Variants in SULF1 observed in about 807,000 individuals in gnomAD.
SULF1 encodes the protein extracellular sulfatase Sulf-1.
In SULF1, 46 loss-of-function variants were observed where a neutral mutation model predicts 110.5. The observed-to-expected ratio is 0.42, with a 90% CI of 0.33 to 0.53. SULF1 has a LOEUF of 0.53. Among genes scored for constraint, SULF1 ranks in the 20% least tolerant of loss-of-function variants. The pLI, the probability that SULF1 is intolerant of heterozygous loss-of-function variation, is 0.12. For missense variants in SULF1, 941 were observed against 1,094.2 expected, an observed-to-expected ratio of 0.86 and a Z score of 1.98; for synonymous variants, 371 against 387.1, an observed-to-expected ratio of 0.96 and a Z score of 0.49.
At chr8:69,496,761 T>G (rs1249063731) in intron 2 of SULF1, among the ~76,000 whole-genome samples, 1 of 152,248 alleles carries the variant, frequency 6.6e-6, no homozygotes, top group African/African-American at 2.4e-5. Flanking sequence ...GCCGACATAA[T>G]GATTTACTCC....
At chr8:69,620,647 G>T (rs1809524614) in intron 13 of SULF1, among the ~76,000 whole-genome samples, 1 of 152,188 alleles carries the variant, frequency 6.6e-6, no homozygotes, top group Non-Finnish European at 1.5e-5. Flanking sequence ...AGCCAAGTTT[G>T]TTTTTCCAGA....
At chr8:69,556,167 T>A (rs767806408) in intron 3 of SULF1, among the ~76,000 whole-genome samples, 1 of 152,144 alleles carries the variant, frequency 6.6e-6, no homozygotes, top group Non-Finnish European at 1.5e-5. Context: ...GTGTGGTATG[T>A]GCATGTAGAG....
chr8:69,549,043 G>C (rs1420435513), intron 3 of SULF1, among the ~76,000 whole-genome samples: 1 of 152,112 alleles, frequency 6.6e-6, no homozygotes, highest in Non-Finnish European at 1.5e-5. Flanking sequence ...GCTTGCTTTA[G>C]CCAATGGCAG....
chr8:69,586,509 G>C lies in SULF1; in HGVS notation c.564+1G>C. The C allele has an allele frequency of 6.2e-7, 1 of 1,608,116 alleles. No homozygotes were observed. The highest frequency in any genetic ancestry group is 8.5e-7 in the Non-Finnish European group (1 of 1,179,084). On this transcript the variant is annotated splice_donor_variant, in intron 7 of 22. Transcript: ENST00000402687. LOFTEE classifies it high-confidence loss of function. Reference sequence around the variant, plus strand: ...AAAGCATGGATTTGATTATGCAAAGGTAATTTTCAGGCACTTTTACACTGC... The same window carrying C: ...AAAGCATGGATTTGATTATGCAAAGCTAATTTTCAGGCACTTTTACACTGC...
chr8:69,647,807 G>T (rs1246596825), intron 22 of SULF1, among the ~76,000 whole-genome samples: 1 of 151,924 alleles, frequency 6.6e-6, no homozygotes, highest in Non-Finnish European at 1.5e-5. Context: ...CAGGAGAATG[G>T]CTTGAACCCA....
At chr8:69,518,051 A>G (rs1459215222) in intron 3 of SULF1, among the ~76,000 whole-genome samples, 1 of 152,154 alleles carries the variant, frequency 6.6e-6, no homozygotes, top group Non-Finnish European at 1.5e-5. Context: ...CTGTGAATTT[A>G]TATTTTTTAA....
chr8:69,584,256 C>T (rs1806287303), intron 6 of SULF1, among the ~76,000 whole-genome samples: 1 of 152,126 alleles, frequency 6.6e-6, no homozygotes. Flanking sequence ...TGGCAAGTTA[C>T]CAGGGATGGC....
Position 69,621,153 on chromosome 8 carries a change from A to T in SULF1, c.1496A>T (p.Asp499Val), listed in dbSNP as rs753151642. The T allele has an allele frequency of 6.2e-7, 1 of 1,614,190 alleles. No individual in the cohort carries two copies. The highest frequency in any genetic ancestry group is 8.5e-7 in the Non-Finnish European group (1 of 1,180,002). The change falls in exon 14 of 23, where the codon GAC becomes GTC. Residue 499 changes from aspartate to valine, a missense_variant. Physicochemically the swap from Asp to Val is radical, Grantham distance 152 (BLOSUM62 -3). This residue lies in a region of SULF1 where 822 missense variants were observed against 934.3 expected (regional missense o/e 0.88). Transcript: ENST00000402687. Reference protein sequence around the residue: ...TRNLYARGFHDKDKECSCRES... With the variant: ...TRNLYARGFHVKDKECSCRES... Reference sequence around the variant, plus strand: ...AACCTCTACGCTCGCGGCTTCCATGACAAAGACAAAGAGTGCAGTTGTAGG... The same window carrying T: ...AACCTCTACGCTCGCGGCTTCCATGTCAAAGACAAAGAGTGCAGTTGTAGG...
intron 2 of SULF1, among the ~76,000 whole-genome samples, chr8:69,499,642 A>AGT (rs1415890895): frequency 2.6e-5 from 4 of 152,226 alleles, no homozygotes; most frequent in African/African-American, 9.6e-5. Flanking sequence ...CACAGCAGGA[A>AGT]GTATTTGACT....
chr8:69,510,183 C>T (rs968609778), intron 3 of SULF1, among the ~76,000 whole-genome samples: 2 of 152,162 alleles, frequency 1.3e-5, no homozygotes, highest in African/African-American at 4.8e-5. Flanking sequence ...GCCCTTCCTA[C>T]CTTAGGAAGC....
upstream of SULF1, among the ~76,000 whole-genome samples, chr8:69,489,519 A>T (rs1221389960): frequency 6.6e-6 from 1 of 150,630 alleles, no homozygotes; most frequent in Non-Finnish European, 1.5e-5. Flanking sequence ...AAAAAAAATA[A>T]GTCTAGCTTG....
intron 13 of SULF1, among the ~76,000 whole-genome samples, chr8:69,611,453 A>T (rs1385102284): frequency 6.6e-6 from 1 of 152,098 alleles, no homozygotes; most frequent in Non-Finnish European, 1.5e-5. Flanking sequence ...ATCTCACACC[A>T]TCTCAAAGAA....
chr8:69,484,645 T>C (rs1809625080), intron 1 of SULF1, among the ~76,000 whole-genome samples: 1 of 152,206 alleles, frequency 6.6e-6, no homozygotes, highest in African/African-American at 2.4e-5. Context: ...CTTTTTTAGA[T>C]TATAATCTAT....
At chr8:69,628,857 C>T (rs541488542) in intron 18 of SULF1, among the ~76,000 whole-genome samples, 3 of 152,226 alleles carry the variant, frequency 2.0e-5, no homozygotes, top group Non-Finnish European at 2.9e-5. Context: ...GATTGGTACT[C>T]GGCTGCCAAA....
chr8:69,559,395 T>C (rs867411823), intron 3 of SULF1, among the ~76,000 whole-genome samples: 5 of 152,190 alleles, frequency 3.3e-5, no homozygotes, highest in Admixed American at 6.5e-5. Context: ...TGTTGACTCA[T>C]TTCATTTTAC....
intron 3 of SULF1, among the ~76,000 whole-genome samples, chr8:69,561,829 T>G (rs1815504775): frequency 6.6e-6 from 1 of 152,236 alleles, no homozygotes; most frequent in African/African-American, 2.4e-5. Flanking sequence ...CAAGCCATTG[T>G]TTATCATTTT....
At chr8:69,491,404 G>A (rs1480963077), upstream of SULF1, among the ~76,000 whole-genome samples, 1 of 152,164 alleles carries the variant, frequency 6.6e-6, no homozygotes, top group Non-Finnish European at 1.5e-5. Context: ...AGAAGCCAGT[G>A]ATGTCTGAAA....
chr8:69,537,174 G>T (rs1007481195), intron 3 of SULF1, among the ~76,000 whole-genome samples: 1 of 152,096 alleles, frequency 6.6e-6, no homozygotes, highest in Non-Finnish European at 1.5e-5. Context: ...AAACCCTCCA[G>T]CTGGGCTTTC....
intron 22 of SULF1, 51 bp from the exon 23 acceptor site, chr8:69,658,454 G>A: frequency 7.2e-7 from 1 of 1,385,244 alleles, no homozygotes; most frequent in East Asian, 2.3e-5. Flanking sequence ...GTCCAGGTAA[G>A]TAGAAAGCCT....
Sources: allele counts gnomAD v4.1 joint callset (sites outside exome capture counted in the v4.1 genomes callset), GRCh38; gene constraint gnomAD v4.1.1; regional missense constraint gnomAD v4.1.1; transcripts MANE v1.5; gene names NCBI Gene and HGNC (gene_info 2026-07-23, HGNC 2026-07-21).